PRUNE2: variants seen among roughly 807,000 people sequenced by gnomAD.
PRUNE2 encodes prune homolog 2 with BCH domain.
PRUNE2 carries 164 observed loss-of-function variants against 252.0 expected under a neutral mutation model. That is an observed-to-expected ratio of 0.65 (90% confidence interval 0.57 to 0.74). The LOEUF is 0.74. PRUNE2 is among the 30% of genes least tolerant of loss of function. PRUNE2 has a pLI of 0.00. For missense variants in PRUNE2, 3,495 were observed against 3,711.0 expected, an observed-to-expected ratio of 0.94 and a Z score of 1.51; for synonymous variants, 1,292 against 1,350.2, an observed-to-expected ratio of 0.96 and a Z score of 0.94.
intron 1 of PRUNE2, among the ~76,000 whole-genome samples, chr9:76,891,095 G>C (rs1274201172): frequency 6.6e-6 from 1 of 152,208 alleles, no homozygotes; most frequent in Non-Finnish European, 1.5e-5. Flanking sequence ...AGTTTTGAAA[G>C]AGCGGAATTT....
chr9:76,630,116 G>A (rs545088060), intron 15 of PRUNE2, among the ~76,000 whole-genome samples: 9 of 151,992 alleles, frequency 5.9e-5, no homozygotes, highest in African/African-American at 1.7e-4. Context: ...ACTACTTTAT[G>A]CCTTGTTTGT....
At chr9:76,868,162 A>T (rs1029395493) in intron 1 of PRUNE2, among the ~76,000 whole-genome samples, 1 of 152,116 alleles carries the variant, frequency 6.6e-6, no homozygotes, top group Admixed American at 6.5e-5. Flanking sequence ...TCAAGAAAAA[A>T]CCTCATATGA....
At chr9:76,619,045 C>T (rs945616354) in intron 18 of PRUNE2, among the ~76,000 whole-genome samples, 1 of 152,220 alleles carries the variant, frequency 6.6e-6, no homozygotes, top group Non-Finnish European at 1.5e-5. Flanking sequence ...GAATTGCATT[C>T]CTCTTGCCCA....
At chr9:76,667,046 C>CA (rs1048986286) in intron 9 of PRUNE2, among the ~76,000 whole-genome samples, 15 of 150,240 alleles carry the variant, frequency 1.0e-4, no homozygotes, top group African/African-American at 2.0e-4. Flanking sequence ...AACTCTGTCA[C>CA]AAAAAAAAAG....
intron 9 of PRUNE2, among the ~76,000 whole-genome samples, chr9:76,682,461 A>T (rs974670144): frequency 6.6e-6 from 1 of 150,526 alleles, no homozygotes; most frequent in South Asian, 2.1e-4. Context: ...TCCTGGGTTC[A>T]AGCTATTCTC....
At chr9:76,837,306 G>C (rs2059048908) in intron 4 of PRUNE2, among the ~76,000 whole-genome samples, 1 of 152,080 alleles carries the variant, frequency 6.6e-6, no homozygotes, top group Admixed American at 6.5e-5. Context: ...GCCAGGCGTG[G>C]TGGCGGGCAC....
At chr9:76,757,735 G>A (rs902719903) in intron 6 of PRUNE2, among the ~76,000 whole-genome samples, 1 of 149,886 alleles carries the variant, frequency 6.7e-6, no homozygotes, top group African/African-American at 2.5e-5. Context: ...GCAGAGGCAG[G>A]GAATCACTCG....
rs1382282221 is a variant in PRUNE2, at chr9:76,826,743, T to A, written c.509-11A>T. On this transcript the variant is annotated splice_polypyrimidine_tract_variant and intron_variant, in intron 4 of 18. Coordinates refer to ENST00000376718, the MANE Select transcript of PRUNE2 (RefSeq NM_015225.3). ...TGAAAAGAATGCTACCTGAAAGGTA[T>A]GAATAAAAATGCTCTTAAAGCTTTC... 1.3e-6 allele frequency: 2 copies of A among 1,582,996 alleles called. No homozygotes were observed. Among genetic ancestry groups the A allele is most frequent in the Admixed American group, 3.5e-5 (2 of 56,950 alleles).
chr9:76,875,991 G>C (rs2061457427), intron 1 of PRUNE2, among the ~76,000 whole-genome samples: 1 of 152,140 alleles, frequency 6.6e-6, no homozygotes, highest in South Asian at 2.1e-4. Flanking sequence ...TCTGTGTTTT[G>C]AACAAGCTCC....
At chr9:76,818,542 G>T (rs1198278784) in intron 6 of PRUNE2, among the ~76,000 whole-genome samples, 1 of 152,090 alleles carries the variant, frequency 6.6e-6, no homozygotes, top group Non-Finnish European at 1.5e-5. Context: ...TGCATCCCAG[G>T]CTTCACACAG....
At chr9:76,795,981 C>G (rs1271825776) in intron 6 of PRUNE2, among the ~76,000 whole-genome samples, 2 of 152,196 alleles carry the variant, frequency 1.3e-5, no homozygotes, top group African/African-American at 2.4e-5. Flanking sequence ...ACTGCAGAAT[C>G]TGATAAATCA....
rs115666990 is a variant in PRUNE2, at chr9:76,766,331, A to T, written c.757-52610T>A. Among the ~76,000 whole-genome samples, 751 of 152,268 alleles carry T rather than the reference A, an allele frequency of 4.9e-3. 6 individuals carry two copies. Among genetic ancestry groups the T allele is most frequent in the African/African-American group, 0.017 (727 of 41,548 alleles). On this transcript the variant is annotated intron_variant, in intron 6 of 18. Coordinates refer to ENST00000376718, the MANE Select transcript of PRUNE2 (RefSeq NM_015225.3). ...AGGCAAAGCCTATCTGTGTGGGATT[A>T]ATGACAGCATTGAGTGGGTGGCTGT... is the stretch of plus-strand genomic sequence containing the variant.
chr9:76,903,578 CTATTT>C (rs1037003618), intron 1 of PRUNE2, among the ~76,000 whole-genome samples: 18 of 152,014 alleles, frequency 1.2e-4, no homozygotes, highest in Admixed American at 2.0e-4. Flanking sequence ...AAAAATCTTA[CTATTT>C]TATTTTATTT....
intron 6 of PRUNE2, chr9:76,788,329 C>T (rs2055216292): frequency 1.5e-6 from 1 of 671,938 alleles, no homozygotes; most frequent in Non-Finnish European, 2.8e-6. Flanking sequence ...AGAGTTACCA[C>T]AAGTAAATGA....
At chr9:76,667,669 A>T (rs978767996) in intron 9 of PRUNE2, among the ~76,000 whole-genome samples, 19 of 152,230 alleles carry the variant, frequency 1.2e-4, no homozygotes, top group African/African-American at 4.6e-4. Context: ...ACACACATAG[A>T]TAAGATATTC....
chr9:76,646,580 T>G (rs1279532925), intron 11 of PRUNE2, among the ~76,000 whole-genome samples: 1 of 152,166 alleles, frequency 6.6e-6, no homozygotes, highest in Non-Finnish European at 1.5e-5. Context: ...TCCACCCATC[T>G]CTTTGGAATC....
At chr9:76,828,724 T>C (rs1335849192) in intron 4 of PRUNE2, among the ~76,000 whole-genome samples, 1 of 152,138 alleles carries the variant, frequency 6.6e-6, no homozygotes, top group Non-Finnish European at 1.5e-5. Flanking sequence ...ACTATAAAGA[T>C]TATTTTTCCA....
At chr9:76,743,547 G>A (rs939613468) in intron 6 of PRUNE2, among the ~76,000 whole-genome samples, 5 of 152,140 alleles carry the variant, frequency 3.3e-5, no homozygotes, top group Non-Finnish European at 5.9e-5. Flanking sequence ...TTAAATGACC[G>A]TCCCTCTTGG....
intron 6 of PRUNE2, among the ~76,000 whole-genome samples, chr9:76,811,652 C>G (rs1316590091): frequency 6.6e-6 from 1 of 152,122 alleles, no homozygotes. Context: ...TTCTGAAGGT[C>G]TAGAAACATA....
Sources: gnomAD v4.1 joint callset for allele counts (sites outside exome capture counted in the v4.1 genomes callset) on GRCh38, gnomAD v4.1.1 for gene constraint, MANE v1.5 for transcripts, NCBI Gene and HGNC (gene_info 2026-07-23, HGNC 2026-07-21) for gene names.